The following KATNAL2 variants were observed in gnomAD, a reference collection of about 807,000 sequenced individuals.
KATNAL2 encodes the protein katanin catalytic subunit A1 like 2, also known as katanin p60 ATPase-containing subunit A-like 2.
In KATNAL2, 52 loss-of-function variants were observed where a neutral mutation model predicts 76.3. The observed-to-expected ratio is 0.68, with a 90% CI of 0.55 to 0.86. KATNAL2 has a LOEUF of 0.86. KATNAL2 is among the 40% of genes least tolerant of loss of function. KATNAL2 has a pLI of 0.00. For missense variants in KATNAL2, 660 were observed against 668.9 expected, an observed-to-expected ratio of 0.99 and a Z score of 0.15; for synonymous variants, 243 against 244.2, an observed-to-expected ratio of 1.00 and a Z score of 0.05.
At chr18:47,079,911 A>G (rs2062427390) in intron 15 of KATNAL2, among the ~76,000 whole-genome samples, 1 of 152,202 alleles carries the variant, frequency 6.6e-6, no homozygotes, top group East Asian at 1.9e-4. Flanking sequence ...TTGTTGCTCC[A>G]TTTTTGGTGA....
At chr18:47,060,341 G>A (rs763347881) in intron 8 of KATNAL2, among the ~76,000 whole-genome samples, 4 of 152,134 alleles carry the variant, frequency 2.6e-5, no homozygotes, top group Admixed American at 2.0e-4. Flanking sequence ...TTGATTAGTG[G>A]TGTCACCTTT....
At chr18:46,925,381 C>A (rs527291334) in intron 1 of KATNAL2, among the ~76,000 whole-genome samples, 1 of 152,214 alleles carries the variant, frequency 6.6e-6, no homozygotes, top group Admixed American at 6.5e-5. Flanking sequence ...TGTTGGATTA[C>A]ATTCATTGAT....
chr18:47,093,721 G>T (rs1435700272), intron 15 of KATNAL2, among the ~76,000 whole-genome samples: 1 of 152,028 alleles, frequency 6.6e-6, no homozygotes, highest in African/African-American at 2.4e-5. Context: ...GTGTTGCCCA[G>T]GCTGGATTCG....
At chr18:46,924,568 T>C (rs193195179) in intron 1 of KATNAL2, among the ~76,000 whole-genome samples, 63 of 152,348 alleles carry the variant, frequency 4.1e-4, no homozygotes, top group African/African-American at 1.5e-3. Context: ...GGCTCTTTTT[T>C]GGTTCCATAT....
chr18:46,934,903 G>T (rs1736501075), intron 1 of KATNAL2, among the ~76,000 whole-genome samples: 1 of 152,046 alleles, frequency 6.6e-6, no homozygotes, highest in Admixed American at 6.6e-5. Context: ...TATTAAATAG[G>T]GAATCCTTTC....
intron 16 of KATNAL2, 88 bp downstream of exon 16, chr18:47,099,493 A>C (rs894743074): frequency 1.3e-5 from 16 of 1,266,014 alleles, no homozygotes; most frequent in Non-Finnish European, 1.5e-5. Flanking sequence ...AGCTGATAGA[A>C]GCTTGAGACA....
In KATNAL2 at chr18:46,928,499, G is replaced by A. The variant is rs540652451; in HGVS notation, c.-510+10573G>A. ...TGAGGTGTCAGTCTGCCCCTACTGG[G>A]GGGTGCCTGCCAGTTAGGCTACTCG... On this transcript the variant is annotated intron_variant, in intron 1 of 17. Coordinates refer to ENST00000683218, the MANE Select transcript of KATNAL2 (RefSeq NM_001387690.1). Among the ~76,000 whole-genome samples, 9 of 152,236 alleles carry A rather than the reference G, an allele frequency of 5.9e-5. No individual in the cohort carries two copies. In the East Asian group the frequency reaches 1.7e-3, roughly 30 times the overall value.
chr18:47,071,832 T>G (rs2062012007), intron 13 of KATNAL2, among the ~76,000 whole-genome samples: 1 of 151,292 alleles, frequency 6.6e-6, no homozygotes, highest in African/African-American at 2.4e-5. Context: ...AGTTTTCCTC[T>G]GGTTCAGTAT....
chr18:47,099,987 A>C (rs963142636), intron 16 of KATNAL2, among the ~76,000 whole-genome samples: 2 of 152,190 alleles, frequency 1.3e-5, no homozygotes, highest in Non-Finnish European at 2.9e-5. Flanking sequence ...TGATAGGCTA[A>C]CTTGGGTGTT....
intron 4 of KATNAL2, among the ~76,000 whole-genome samples, chr18:47,049,783 T>C (rs1421011408): frequency 6.6e-6 from 1 of 152,218 alleles, no homozygotes; most frequent in African/African-American, 2.4e-5. Context: ...TGCCCAATCA[T>C]GGCTCACTGC....
rs531910273 is a variant in KATNAL2 at position 47,064,996 on chromosome 18, T to C, written c.726+1635T>C. ...AATACCTAGGTAAATGAATCTTCCT[T>C]GTGTGCCGAGATTTCACTAAGAAAG... On this transcript the variant is annotated intron_variant, in intron 10 of 17. Coordinates refer to ENST00000683218, the MANE Select transcript of KATNAL2 (RefSeq NM_001387690.1). 3.3e-5 allele frequency among the ~76,000 whole-genome samples: 5 copies of C among 152,274 alleles called. 1 individual carries two copies. The highest frequency in any genetic ancestry group is 1.2e-4 in the African/African-American group (5 of 41,550).
chr18:46,925,297 G>T (rs1221596783), intron 1 of KATNAL2, among the ~76,000 whole-genome samples: 1 of 152,164 alleles, frequency 6.6e-6, no homozygotes, highest in Non-Finnish European at 1.5e-5. Context: ...ATGAAGTGTT[G>T]TTGAATTTTG....
At chr18:47,084,874 A>AAAAAAAAAC (rs1198483028) in intron 15 of KATNAL2, among the ~76,000 whole-genome samples, 1 of 146,614 alleles carries the variant, frequency 6.8e-6, no homozygotes, top group Non-Finnish European at 1.5e-5. Context: ...AAAAAAAAAA[A>AAAAAAAAAC]AGCCTGCCTC....
At chr18:46,953,764 A>T (rs1363375989) in intron 3 of KATNAL2, among the ~76,000 whole-genome samples, 3 of 152,152 alleles carry the variant, frequency 2.0e-5, no homozygotes, top group Non-Finnish European at 4.4e-5. Flanking sequence ...CTCAAAAAAA[A>T]AAAGATATAA....
At chr18:46,951,504 C>CT (rs35204304) in intron 3 of KATNAL2, among the ~76,000 whole-genome samples, 198 of 143,252 alleles carry the variant, frequency 1.4e-3, no homozygotes, top group African/African-American at 3.9e-3. Context: ...TACTATACAG[C>CT]TTTTTTTTTT....
Position 47,099,369 on chromosome 18 carries a change from GCTGCACACAGAGCTGGAGTAC to G in KATNAL2, c.1339_1359del (p.Leu447_Tyr453del), listed in dbSNP as rs2063377436. On this transcript the variant is annotated inframe_deletion, in exon 16 of 18. Transcript: ENST00000683218. ...CTGTGAGCAAGAGCAGGGCCTTGGA[GCTGCACACAGAGCTGGAGTAC>G]AGTGTGCTGAGCCAGGTCAGCTGCC... 1 of 1,613,888 alleles carries G rather than the reference GCTGCACACAGAGCTGGAGTAC, an allele frequency of 6.2e-7. No homozygotes were observed. Among genetic ancestry groups the G allele is most frequent in the South Asian group, 1.1e-5 (1 of 91,062 alleles).
rs1195140135 is a variant in KATNAL2, at chr18:47,043,226, CAAAA to C, written c.52-3215_52-3212del. Among the ~76,000 whole-genome samples the C allele has an allele frequency of 1.2e-4, 5 of 41,686 alleles. 1 individual carries two copies. Among genetic ancestry groups the C allele is most frequent in the African/African-American group, 3.2e-4 (3 of 9,358 alleles). The allele number at this position is 41,686 out of a possible 152,430, so 27.3% of individuals were successfully genotyped here. A position where few individuals can be genotyped will look rare whatever the true frequency, so the allele number is the denominator to read the frequency against. On this transcript the variant is annotated intron_variant, in intron 3 of 17. Transcript: ENST00000683218. ...CCGGCGACAGAGCGAGACTCCGTTT[CAAAA>C]AAAAAAAAAAAAAAAGAGATCCTAA... is the stretch of plus-strand genomic sequence containing the variant.
chr18:47,052,722 C>G (rs1029757144), intron 4 of KATNAL2, among the ~76,000 whole-genome samples, 158 bp from the exon 5 acceptor site: 2 of 152,200 alleles, frequency 1.3e-5, no homozygotes, highest in African/African-American at 4.8e-5. Flanking sequence ...ATATGGGGCT[C>G]TTTATAGGCA....
At chr18:47,038,964 G>T (rs917270561) in intron 3 of KATNAL2, among the ~76,000 whole-genome samples, 1 of 152,172 alleles carries the variant, frequency 6.6e-6, no homozygotes, top group Non-Finnish European at 1.5e-5. Flanking sequence ...AGGCTGGGTA[G>T]TAATAAAGTG....
Sources: allele counts gnomAD v4.1 joint callset (sites outside exome capture counted in the v4.1 genomes callset), GRCh38; gene constraint gnomAD v4.1.1; transcripts MANE v1.5; gene names NCBI Gene and HGNC (gene_info 2026-07-23, HGNC 2026-07-21).